The following KDM4A variants were observed in gnomAD, a reference collection of about 807,000 sequenced individuals.
KDM4A encodes the protein lysine demethylase 4A.
Under a neutral mutation model 127.1 loss-of-function variants are expected in KDM4A, and 23 were observed. The observed-to-expected ratio is 0.18, with a 90% CI of 0.13 to 0.26. The LOEUF (loss-of-function observed/expected upper bound fraction) is 0.26. Ranked by LOEUF, KDM4A falls within the 10% of genes least tolerant of loss-of-function variation. The pLI is 1.00. For missense variants in KDM4A, 890 were observed against 1,329.1 expected, an observed-to-expected ratio of 0.67 and a Z score of 5.14; for synonymous variants, 443 against 466.5, an observed-to-expected ratio of 0.95 and a Z score of 0.65.
intron 9 of KDM4A, among the ~76,000 whole-genome samples, chr1:43,668,325 CTG>C (rs971584435): frequency 6.6e-6 from 1 of 151,952 alleles, no homozygotes; most frequent in Non-Finnish European, 1.5e-5. Flanking sequence ...CAGGGTTTCA[CTG>C]TGTTAGCCAG....
intron 16 of KDM4A, among the ~76,000 whole-genome samples, chr1:43,692,972 T>A: frequency 6.6e-6 from 1 of 152,180 alleles, no homozygotes; most frequent in Non-Finnish European, 1.5e-5. Context: ...GTGCTGAGTA[T>A]CCTGCTTCCA....
At chr1:43,701,632 C>T (rs527599869) in intron 19 of KDM4A, among the ~76,000 whole-genome samples, 15 of 152,238 alleles carry the variant, frequency 9.9e-5, no homozygotes, top group African/African-American at 3.1e-4. Context: ...GGACTATAGG[C>T]GTGTGCCATC....
At chr1:43,671,286 G>A (rs779451082) in intron 10 of KDM4A, among the ~76,000 whole-genome samples, 1 of 152,190 alleles carries the variant, frequency 6.6e-6, no homozygotes, top group African/African-American at 2.4e-5. Flanking sequence ...TATGAGCCCT[G>A]TAGATCTGTA....
chr1:43,660,273 C>G (rs767033380), intron 3 of KDM4A, 25 bp from the exon 4 acceptor site: 1 of 1,589,974 alleles, frequency 6.3e-7, no homozygotes, highest in Admixed American at 1.7e-5. Flanking sequence ...AAGTGGTTTA[C>G]ATGTTTCTTT....
At chr1:43,668,987 A>G (rs1660560234) in intron 9 of KDM4A, 113 bp from the exon 10 acceptor site, 1 of 1,065,892 alleles carries the variant, frequency 9.4e-7, no homozygotes. Flanking sequence ...GTTTTGAGCC[A>G]GGCCTGACAG....
intron 4 of KDM4A, 26 bp downstream of exon 4, chr1:43,660,438 G>A: frequency 6.4e-7 from 1 of 1,569,164 alleles, no homozygotes. Flanking sequence ...AACCCTCTGT[G>A]CAGTGTTTTT....
chr1:43,655,387 G>T (rs563413843), intron 2 of KDM4A, among the ~76,000 whole-genome samples: 2 of 152,334 alleles, frequency 1.3e-5, no homozygotes, highest in South Asian at 2.1e-4. Context: ...ACCTTAGGTT[G>T]CTGCAATTAG....
chr1:43,650,720 G>A (rs1660092787), intron 1 of KDM4A: 1 of 152,316 alleles, frequency 6.6e-6, no homozygotes, highest in Non-Finnish European at 1.5e-5. Flanking sequence ...CATCATCTGA[G>A]CTAATCACAG....
chr1:43,695,918 TATG>T (rs1026035899), intron 18 of KDM4A, among the ~76,000 whole-genome samples: 5 of 152,046 alleles, frequency 3.3e-5, no homozygotes, highest in African/African-American at 9.7e-5. Context: ...AGGATGCTAA[TATG>T]ATGTTAGTAA....
chr1:43,675,640 C>T (rs946309346), intron 11 of KDM4A, among the ~76,000 whole-genome samples: 3 of 152,112 alleles, frequency 2.0e-5, no homozygotes, highest in African/African-American at 4.8e-5. Flanking sequence ...ATGTCAAGAG[C>T]CAGAACCTGG....
chr1:43,689,110 T>G lies in KDM4A; in HGVS notation c.2037+15T>G. On this transcript the variant is annotated intron_variant, in intron 13 of 21. Coordinates refer to ENST00000372396, the MANE Select transcript of KDM4A (RefSeq NM_014663.3). ...CTTATCATCAGGTAACCCAGCTCCA[T>G]GCACTCTGTTTACCCAGGACCAGCA... 6.2e-7 allele frequency: 1 copy of G among 1,612,752 alleles called. No homozygotes were observed. The highest frequency in any genetic ancestry group is 8.5e-7 in the Non-Finnish European group (1 of 1,179,002).
In KDM4A at chr1:43,667,154, C is replaced by T. The variant is rs1236393314; in HGVS notation, c.915+63C>T. 8.2e-6 allele frequency: 13 copies of T among 1,576,820 alleles called. No homozygotes were observed. In the East Asian group the frequency reaches 1.1e-4, roughly 14 times the overall value. On this transcript the variant is annotated intron_variant, in intron 8 of 21. Transcript: ENST00000372396. ...AAAATGAGCAAATTCTGGTTAGATA[C>T]GTTGGCTGGTGATTAGAGTATTTCT...
chr1:43,693,413 C>G lies in KDM4A; in HGVS notation c.2376-581C>G, dbSNP rs1661168965. Among the ~76,000 whole-genome samples, 1 of 152,202 alleles carries G rather than the reference C, an allele frequency of 6.6e-6. No individual in the cohort carries two copies. The highest frequency in any genetic ancestry group is 1.5e-5 in the Non-Finnish European group (1 of 68,030). The stretch of plus-strand genomic sequence containing the variant: ...GATGCATGCTGGTTTCCCAAAATGT[C>G]CAAAACTTACTTTAATTCTTAAGGA... On this transcript the variant is annotated intron_variant, in intron 16 of 21. Transcript: ENST00000372396. This position sits in a 1 kb window ranked among gnomAD's most constrained non-coding sequence, Gnocchi z 4.2.
intron 19 of KDM4A, among the ~76,000 whole-genome samples, chr1:43,701,134 T>C (rs902868169): frequency 6.6e-6 from 1 of 151,984 alleles, no homozygotes; most frequent in South Asian, 2.1e-4. Context: ...TTGTCCAGGA[T>C]GGACTCAATC....
rs924709047 is a variant in KDM4A at position 43,693,025 on chromosome 1, C to T, written c.2375+714C>T. Among the ~76,000 whole-genome samples the T allele has an allele frequency of 3.3e-5, 5 of 152,174 alleles. No individual in the cohort carries two copies. Among genetic ancestry groups the T allele is most frequent in the East Asian group, 3.9e-4 (2 of 5,192 alleles). ...ACTTGCAGCATATGTTCAGTCCAGCCGCCTGCCCTCAAGAGTCCCAGTTAT... is the reference window on the plus strand; with the variant it reads ...ACTTGCAGCATATGTTCAGTCCAGCTGCCTGCCCTCAAGAGTCCCAGTTAT... On this transcript the variant is annotated intron_variant, in intron 16 of 21. Coordinates refer to ENST00000372396, the MANE Select transcript of KDM4A (RefSeq NM_014663.3). This position sits in a 1 kb window ranked among gnomAD's most constrained non-coding sequence, Gnocchi z 4.2.
chr1:43,703,459 A>T, intron 19 of KDM4A, 158 bp from the exon 20 acceptor site: 1 of 789,096 alleles, frequency 1.3e-6, no homozygotes, highest in Non-Finnish European at 2.0e-6. Flanking sequence ...ACTTTGACTT[A>T]GCAAGGTCTT....
At chr1:43,700,303 A>G (rs1661356168) in intron 19 of KDM4A, among the ~76,000 whole-genome samples, 1 of 150,250 alleles carries the variant, frequency 6.7e-6, no homozygotes, top group Admixed American at 6.6e-5. Flanking sequence ...TAATTTTTTA[A>G]TTTTTTGTAG....
chr1:43,659,802 C>T (rs987637731), intron 3 of KDM4A, among the ~76,000 whole-genome samples: 2 of 152,154 alleles, frequency 1.3e-5, no homozygotes, highest in South Asian at 2.1e-4. Flanking sequence ...TCAGCCACTG[C>T]GTAGGGCGCT....
At position 43,653,163 on chromosome 1, in the gene KDM4A, A is replaced by G. The variant is rs748865791; in HGVS notation, c.-13A>G. 3.0e-5 allele frequency: 49 copies of G among 1,607,464 alleles called. 1 individual carries two copies. Among genetic ancestry groups the G allele is most frequent in the Non-Finnish European group, 3.7e-5 (43 of 1,176,634 alleles). On this transcript the variant is annotated 5_prime_UTR_variant, in exon 2 of 22. Coordinates refer to ENST00000372396, the MANE Select transcript of KDM4A (RefSeq NM_014663.3). Reference sequence around the variant, plus strand: ...TTCCTGTCTGACTAAAGGGACCTCAAAAAGGAGGGAAAATGGCTTCTGAGT... The same window carrying G: ...TTCCTGTCTGACTAAAGGGACCTCAGAAAGGAGGGAAAATGGCTTCTGAGT...
Sources: gnomAD v4.1 joint callset for allele counts (sites outside exome capture counted in the v4.1 genomes callset) on GRCh38, gnomAD v4.1.1 for gene constraint, Gnocchi (gnomAD v3.1) non-coding constraint, MANE v1.5 for transcripts, NCBI Gene and HGNC (gene_info 2026-07-23, HGNC 2026-07-21) for gene names.